Variants in PDE7B observed in about 807,000 individuals in gnomAD.
PDE7B encodes the protein 3',5'-cyclic-AMP phosphodiesterase 7B.
In PDE7B, 29 loss-of-function variants were observed where a neutral mutation model predicts 56.2. The ratio of observed to expected loss-of-function variants is 0.52; its 90% confidence interval spans 0.38 to 0.70. PDE7B has a LOEUF of 0.70. PDE7B is among the 30% of genes least tolerant of loss of function. PDE7B has a pLI of 0.00. For missense variants in PDE7B, 490 were observed against 565.0 expected (o/e 0.87, Z 1.35); for synonymous variants, 197 against 196.9 (o/e 1.00, Z 0.00).
chr6:136,155,945 G>A (rs1372464992), intron 8 of PDE7B, 187 bp downstream of exon 8: 2 of 713,856 alleles, frequency 2.8e-6, no homozygotes, highest in Non-Finnish European at 5.2e-6. Flanking sequence ...CAAAATCCAA[G>A]CAAACTTAAT....
chr6:136,154,799 G>A (rs1352783027), intron 7 of PDE7B, among the ~76,000 whole-genome samples: 1 of 152,188 alleles, frequency 6.6e-6, no homozygotes, highest in Non-Finnish European at 1.5e-5. Context: ...CAAGGTACAG[G>A]ATGAGTTTTC....
intron 1 of PDE7B, among the ~76,000 whole-genome samples, chr6:135,873,340 C>T (rs1159481723): frequency 1.3e-5 from 2 of 152,176 alleles, no homozygotes; most frequent in Non-Finnish European, 2.9e-5. Context: ...CAAGTGTCTG[C>T]TTTGTCTCCA....
At chr6:136,167,296 A>G (rs1378996867) in intron 8 of PDE7B, among the ~76,000 whole-genome samples, 1 of 152,048 alleles carries the variant, frequency 6.6e-6, no homozygotes, top group Non-Finnish European at 1.5e-5. Context: ...GTCTCTCCCC[A>G]TCTGATATGG....
rs772003260 is a variant in PDE7B, at chr6:136,147,351, G to A, written c.167G>A (p.Ser56Asn). Residue 56 changes from serine (S) to asparagine (N), a missense_variant and splice_region_variant, in exon 4 of 13, where the codon AGT becomes AAT. Physicochemically the swap from Ser to Asn is conservative, Grantham distance 46. Coordinates refer to ENST00000308191, the MANE Select transcript of PDE7B (RefSeq NM_018945.4). ...YPFIDFRLLN[S>N]TTYSGEIGTK... ...TTCTTGACTTGATGACTTTCCACAG[G>A]TACAACATACTCAGGGGAGATTGGC... is the stretch of plus-strand genomic sequence containing the variant. The A allele has an allele frequency of 3.1e-6, 5 of 1,607,386 alleles. No individual in the cohort carries two copies. The South Asian group carries it at 5.5e-5, about 18-fold the overall frequency.
intron 8 of PDE7B, chr6:136,162,093 T>G (rs1251405352): frequency 6.6e-6 from 1 of 152,080 alleles, no homozygotes; most frequent in Non-Finnish European, 1.5e-5. Context: ...GTTTCCACTT[T>G]ACAAAAGACA....
intron 1 of PDE7B, among the ~76,000 whole-genome samples, chr6:135,931,953 GCACACACACACA>G (rs35849934): frequency 1.6e-5 from 1 of 64,312 alleles, no homozygotes; most frequent in African/African-American, 3.7e-5. Context: ...ACACGCGCGC[GCACACACACACA>G]CACACACACA....
At chr6:136,118,959 T>A (rs1221010111) in intron 3 of PDE7B, among the ~76,000 whole-genome samples, 1 of 152,204 alleles carries the variant, frequency 6.6e-6, no homozygotes, top group South Asian at 2.1e-4. Context: ...AGACGCCAAA[T>A]GACAGACTGC....
intron 1 of PDE7B, among the ~76,000 whole-genome samples, chr6:135,878,442 A>C (rs1775542206): frequency 6.6e-6 from 1 of 152,202 alleles, no homozygotes. Flanking sequence ...TAACTTTGAC[A>C]ACTTTTCCAT....
At position 135,934,825 on chromosome 6, in the gene PDE7B, A is replaced by ATAAATAAATAAATATATTTATT. The variant is rs1774372340; in HGVS notation, c.22-12629_22-12628insAATATATTTATTTAAATAAATA. On this transcript the variant is annotated intron_variant, in intron 1 of 12. Transcript: ENST00000308191. ...TATATATTTATTATATATATATTTA[A>ATAAATAAATAAATATATTTATT]TAAATAAATATATATATTTATTTAA... Among the ~76,000 whole-genome samples the ATAAATAAATAAATATATTTATT allele has an allele frequency of 5.8e-5, 4 of 68,906 alleles. No homozygotes were observed. In the East Asian group the frequency reaches 1.2e-3, roughly 21 times the overall value. The allele number at this position is 68,906 out of a possible 152,430, so 45.2% of individuals were successfully genotyped here. A position where few individuals can be genotyped will look rare whatever the true frequency, so the allele number is the denominator to read the frequency against.
chr6:135,893,668 TAC>T (rs1775849010), intron 1 of PDE7B, among the ~76,000 whole-genome samples: 1 of 152,200 alleles, frequency 6.6e-6, no homozygotes, highest in Admixed American at 6.5e-5. Flanking sequence ...ACTGGGTATA[TAC>T]CCAAAGGACT....
At chr6:136,148,977 G>GTA in intron 4 of PDE7B, 110 bp from the exon 5 acceptor site, 1 of 738,532 alleles carries the variant, frequency 1.4e-6, no homozygotes, top group South Asian at 1.6e-5. Context: ...CTAGATGGTA[G>GTA]TATGCTAGGA....
chr6:136,127,225 C>A (rs1778038037), intron 3 of PDE7B, among the ~76,000 whole-genome samples: 2 of 152,130 alleles, frequency 1.3e-5, no homozygotes, highest in Admixed American at 6.5e-5. Flanking sequence ...ATCCCACATC[C>A]CTGGCTCCCT....
At chr6:136,161,777 T>C (rs745580313) in intron 8 of PDE7B, among the ~76,000 whole-genome samples, 16 of 152,204 alleles carry the variant, frequency 1.1e-4, no homozygotes, top group Admixed American at 4.6e-4. Flanking sequence ...ACTTTGGGGT[T>C]TGGGGTATCA....
At chr6:136,003,744 T>A in intron 2 of PDE7B, among the ~76,000 whole-genome samples, 1 of 149,072 alleles carries the variant, frequency 6.7e-6, no homozygotes, top group South Asian at 2.2e-4. Flanking sequence ...CAGGACCAGA[T>A]GGATTCACAG....
chr6:135,963,193 T>C (rs12190806), intron 2 of PDE7B, among the ~76,000 whole-genome samples: 61,056 of 152,012 alleles, frequency 0.4, 12,485 homozygotes, highest in Admixed American at 0.53. Flanking sequence ...CTCAGAGACA[T>C]CCTCAAGATG....
intron 2 of PDE7B, among the ~76,000 whole-genome samples, chr6:135,984,863 T>C (rs568782032): frequency 3.9e-5 from 6 of 152,098 alleles, no homozygotes; most frequent in African/African-American, 1.4e-4. Flanking sequence ...AGCTCAGAGC[T>C]TAGAGCTGTT....
intron 2 of PDE7B, among the ~76,000 whole-genome samples, chr6:135,981,766 C>CTT (rs561731987): frequency 0.022 from 3,104 of 143,066 alleles, 93 homozygotes; most frequent in African/African-American, 0.069. Context: ...ACAATTAACT[C>CTT]TTTTTTTTTT....
At chr6:136,030,851 A>G (rs1377281922) in intron 2 of PDE7B, among the ~76,000 whole-genome samples, 1 of 152,234 alleles carries the variant, frequency 6.6e-6, no homozygotes, top group Non-Finnish European at 1.5e-5. Flanking sequence ...ACTAAATTGC[A>G]TTTGACATTT....
intron 1 of PDE7B, among the ~76,000 whole-genome samples, chr6:135,867,855 T>C (rs1359775417): frequency 2.0e-5 from 3 of 152,180 alleles, no homozygotes; most frequent in African/African-American, 4.8e-5. Flanking sequence ...AAGTAGATAA[T>C]AGCACTAAGA....
Sources: gnomAD v4.1 joint callset for allele counts (sites outside exome capture counted in the v4.1 genomes callset) on GRCh38, gnomAD v4.1.1 for gene constraint, MANE v1.5 for transcripts, NCBI Gene and HGNC (gene_info 2026-07-23, HGNC 2026-07-21) for gene names.